DHRSX: variants seen among roughly 807,000 people sequenced by gnomAD.
The protein encoded by DHRSX is dehydrogenase/reductase X-linked, also known as polyprenol dehydrogenase.
Under a neutral mutation model 34.0 loss-of-function variants are expected in DHRSX, and 31 were observed. The observed-to-expected ratio is 0.91, with a 90% CI of 0.69 to 1.23. The LOEUF is 1.23. Among genes scored for constraint, DHRSX ranks in the 50% most tolerant of loss-of-function variants. The pLI is 0.00. For synonymous variants in DHRSX, 201 were observed against 183.8 expected, an observed-to-expected ratio of 1.09 and a Z score of -0.76; for missense variants, 414 against 428.1, an observed-to-expected ratio of 0.97 and a Z score of 0.29.
chrX:2,241,299 G>T (rs1368160251), intron 6 of DHRSX, among the ~76,000 whole-genome samples: 3 of 152,172 alleles, frequency 2.0e-5, no homozygotes, highest in Non-Finnish European at 2.9e-5. Context: ...GCTTTCAGCT[G>T]CTGGGTCTTA....
chrX:2,397,794 G>A (rs1017225959), intron 3 of DHRSX, among the ~76,000 whole-genome samples: 2 of 152,156 alleles, frequency 1.3e-5, no homozygotes, highest in Non-Finnish European at 2.9e-5. Flanking sequence ...GTGAAGTAGC[G>A]CATTTGCAAA....
chrX:2,372,757 C>A (rs190523994), intron 3 of DHRSX, among the ~76,000 whole-genome samples: 2 of 151,816 alleles, frequency 1.3e-5, no homozygotes. Context: ...TACAGGCACC[C>A]GCCACCCTGC....
intron 3 of DHRSX, among the ~76,000 whole-genome samples, chrX:2,368,104 G>A (rs1294138964): frequency 1.3e-5 from 2 of 151,622 alleles, no homozygotes; most frequent in African/African-American, 4.8e-5. Flanking sequence ...TTAGCCGGGC[G>A]TGGTGCCGTG....
At chrX:2,302,802 T>G (rs1325058442) in intron 3 of DHRSX, among the ~76,000 whole-genome samples, 1 of 152,138 alleles carries the variant, frequency 6.6e-6, no homozygotes, top group East Asian at 1.9e-4. Flanking sequence ...TTCAATCCAA[T>G]GACTTAAAAA....
chrX:2,243,798 T>TTTTTTTTTTTTTTTTTTTTTG (rs2016208482), intron 5 of DHRSX, among the ~76,000 whole-genome samples: 1 of 93,820 alleles, frequency 1.1e-5, no homozygotes, highest in Admixed American at 1.2e-4. Flanking sequence ...GTTTTTTTTT[T>TTTTTTTTTTTTTTTTTTTTTG]TTTTTTTTTT....
rs747390188 is a variant in DHRSX, at chrX:2,454,497, G to A, written c.110-29193C>T. On this transcript the variant is annotated intron_variant, in intron 1 of 6. Transcript: ENST00000334651. ...AGCCGAGATTGAGCTATTGCACTCC[G>A]GCCTGGGCAACAAGAGAGAAACTCC... Among the ~76,000 whole-genome samples, 13 of 149,410 alleles carry A rather than the reference G, an allele frequency of 8.7e-5. No homozygotes were observed. The South Asian group carries it at 1.1e-3, about 12-fold the overall frequency.
At chrX:2,271,578 A>G (rs1335503185) in intron 4 of DHRSX, among the ~76,000 whole-genome samples, 1 of 152,198 alleles carries the variant, frequency 6.6e-6, no homozygotes, top group Non-Finnish European at 1.5e-5. Context: ...TTATGCCTGT[A>G]AAACATCAGG....
At chrX:2,430,898 G>A (rs1214907969) in intron 1 of DHRSX, among the ~76,000 whole-genome samples, 2 of 152,042 alleles carry the variant, frequency 1.3e-5, no homozygotes, top group Non-Finnish European at 2.9e-5. Context: ...GGTGGCACAC[G>A]GCTGTCATCT....
At chrX:2,313,652 C>G (rs1340199222) in intron 3 of DHRSX, among the ~76,000 whole-genome samples, 13 of 152,116 alleles carry the variant, frequency 8.5e-5, no homozygotes, top group Admixed American at 5.9e-4. Flanking sequence ...CAGGCATGAG[C>G]CACGACGCCC....
At chrX:2,346,740 G>T (rs1260350100) in intron 3 of DHRSX, among the ~76,000 whole-genome samples, 1 of 151,740 alleles carries the variant, frequency 6.6e-6, no homozygotes, top group East Asian at 1.9e-4. Context: ...ATGGTGGTTT[G>T]CTGCACCTAT....
intron 3 of DHRSX, among the ~76,000 whole-genome samples, chrX:2,299,648 A>T (rs2041987527): frequency 6.6e-6 from 1 of 152,120 alleles, no homozygotes; most frequent in South Asian, 2.1e-4. Flanking sequence ...TGAGGTCAGG[A>T]GTTCGAGACC....
chrX:2,307,821 A>T (rs2042118403), intron 3 of DHRSX, among the ~76,000 whole-genome samples: 1 of 151,816 alleles, frequency 6.6e-6, no homozygotes, highest in Non-Finnish European at 1.5e-5. Context: ...AAGGAAAAAC[A>T]AAAGAGTATG....
At chrX:2,262,940 C>T (rs763428420) in intron 5 of DHRSX, among the ~76,000 whole-genome samples, 2 of 152,354 alleles carry the variant, frequency 1.3e-5, no homozygotes, top group South Asian at 2.1e-4. Flanking sequence ...TCCTGCCCCT[C>T]GCTGTGCAGG....
intron 6 of DHRSX, among the ~76,000 whole-genome samples, chrX:2,239,609 T>TA (rs200940450): frequency 1.2e-4 from 17 of 147,244 alleles, no homozygotes; most frequent in East Asian, 4.0e-4. Context: ...AAATAAAAAA[T>TA]AAAAAAAAAA....
chrX:2,224,588 T>A (rs190895891), intron 6 of DHRSX, among the ~76,000 whole-genome samples: 14 of 152,242 alleles, frequency 9.2e-5, no homozygotes, highest in Middle Eastern at 3.4e-3. Flanking sequence ...ATTGGATGAT[T>A]TTTTTTCTGT....
chrX:2,248,432 C>CAAAA (rs574631590), intron 5 of DHRSX, among the ~76,000 whole-genome samples: 3 of 111,072 alleles, frequency 2.7e-5, no homozygotes, highest in Non-Finnish European at 3.8e-5. Flanking sequence ...GACTCTGTCT[C>CAAAA]AAAAAAAAAA....
chrX:2,320,896 G>A (rs1356830762), intron 3 of DHRSX, among the ~76,000 whole-genome samples: 20 of 152,158 alleles, frequency 1.3e-4, no homozygotes, highest in African/African-American at 2.2e-4. Flanking sequence ...GTCGGTCCAC[G>A]TACAGCCTGT....
chrX:2,436,867 A>G (rs1342438505), intron 1 of DHRSX, among the ~76,000 whole-genome samples: 1 of 152,010 alleles, frequency 6.6e-6, no homozygotes, highest in African/African-American at 2.4e-5. Flanking sequence ...TCCTGGCCTC[A>G]AGTGATCCTC....
chrX:2,346,216 C>T (rs904024037), intron 3 of DHRSX, among the ~76,000 whole-genome samples: 2 of 147,426 alleles, frequency 1.4e-5, no homozygotes, highest in African/African-American at 2.5e-5. Flanking sequence ...CACTCCATGG[C>T]ATCTGGACAC....
Sources: gnomAD v4.1 joint callset for allele counts (sites outside exome capture counted in the v4.1 genomes callset) on GRCh38, gnomAD v4.1.1 for gene constraint, MANE v1.5 for transcripts, NCBI Gene and HGNC (gene_info 2026-07-23, HGNC 2026-07-21) for gene names.